RTF1: variants seen among roughly 807,000 people sequenced by gnomAD.
RTF1 encodes RTF1 homolog, Paf1/RNA polymerase II complex component.
Under a neutral mutation model 95.7 loss-of-function variants are expected in RTF1, and 10 were observed. The observed-to-expected ratio is 0.10, with a 90% CI of 0.06 to 0.18. RTF1 has a LOEUF of 0.18. RTF1 is among the 10% of genes least tolerant of loss of function. The probability of loss-of-function intolerance (pLI) is 1.00; values close to 1 mark genes in which losing one functional copy is unlikely to be tolerated. For synonymous variants in RTF1, 305 were observed against 311.8 expected, an observed-to-expected ratio of 0.98 and a Z score of 0.23; for missense variants, 458 against 875.6, an observed-to-expected ratio of 0.52 and a Z score of 6.02.
intron 14 of RTF1, 25 bp downstream of exon 14, chr15:41,477,540 T>C (rs1358020506): frequency 1.3e-5 from 20 of 1,591,432 alleles, no homozygotes; most frequent in Non-Finnish European, 7.8e-6. Flanking sequence ...TCTGAATCAC[T>C]AAAACAAAGT....
intron 3 of RTF1, among the ~76,000 whole-genome samples, chr15:41,455,087 A>G (rs1423716602): frequency 5.3e-5 from 8 of 152,054 alleles, no homozygotes; most frequent in Admixed American, 1.3e-4. Flanking sequence ...AGGCCAAGGC[A>G]GGCGGATCAC....
At chr15:41,475,895 C>T (rs2050939620) in intron 11 of RTF1, 76 bp downstream of exon 11, 1 of 720,052 alleles carries the variant, frequency 1.4e-6, no homozygotes, top group Non-Finnish European at 2.3e-6. Flanking sequence ...TCTTTTATTT[C>T]CCTATATCTT....
intron 1 of RTF1, among the ~76,000 whole-genome samples, chr15:41,430,520 G>T (rs2050664131): frequency 6.6e-6 from 1 of 151,934 alleles, no homozygotes; most frequent in South Asian, 2.1e-4. Context: ...CAGGTAGATT[G>T]CCTGAGCTCA....
At chr15:41,422,922 C>T (rs1434609564) in intron 1 of RTF1, among the ~76,000 whole-genome samples, 3 of 152,266 alleles carry the variant, frequency 2.0e-5, no homozygotes, top group Middle Eastern at 3.4e-3. Context: ...TACAGGCGCA[C>T]GCCACCACGT....
Position 41,477,454 on chromosome 15 carries a change from A to G in RTF1, c.1683-4A>G. 1 of 1,614,144 alleles carries G rather than the reference A, an allele frequency of 6.2e-7. No homozygotes were observed. Among genetic ancestry groups the G allele is most frequent in the Non-Finnish European group, 8.5e-7 (1 of 1,180,000 alleles). On this transcript the variant is annotated splice_region_variant and splice_polypyrimidine_tract_variant and intron_variant, in intron 13 of 17. Coordinates refer to ENST00000389629, the MANE Select transcript of RTF1 (RefSeq NM_015138.5). Reference sequence around the variant, plus strand: ...GCCACTGACTCATCCCTCTTACCCCACAGTTACATCAACCAGCGGAACCGG... The same window carrying G: ...GCCACTGACTCATCCCTCTTACCCCGCAGTTACATCAACCAGCGGAACCGG...
chr15:41,477,049 C>G, intron 12 of RTF1, 116 bp from the exon 13 acceptor site: 3 of 1,296,234 alleles, frequency 2.3e-6, no homozygotes, highest in Non-Finnish European at 3.3e-6. Context: ...TTCCACATCT[C>G]CTGTCCTTTG....
intron 1 of RTF1, among the ~76,000 whole-genome samples, chr15:41,427,145 AT>A (rs1225127893): frequency 0.12 from 9,435 of 78,132 alleles, 687 homozygotes; most frequent in East Asian, 0.45. Context: ...TGGTCTACAA[AT>A]TTTTTTTTTT....
At chr15:41,418,283 G>C (rs921391548) in intron 1 of RTF1, among the ~76,000 whole-genome samples, 1 of 152,200 alleles carries the variant, frequency 6.6e-6, no homozygotes, top group Non-Finnish European at 1.5e-5. Context: ...AGTAGAAAGA[G>C]TATTGAACTT....
chr15:41,456,529 G>A (rs1189126646), intron 3 of RTF1, among the ~76,000 whole-genome samples: 1 of 151,256 alleles, frequency 6.6e-6, no homozygotes, highest in Non-Finnish European at 1.5e-5. Flanking sequence ...AGGCGCAGTG[G>A]CTCACGCCTG....
intron 1 of RTF1, among the ~76,000 whole-genome samples, chr15:41,420,610 G>A (rs1242149217): frequency 6.6e-6 from 1 of 152,092 alleles, no homozygotes; most frequent in African/African-American, 2.4e-5. Flanking sequence ...GGATTGGAAT[G>A]CAGTTCGTAA....
chr15:41,440,490 CTT>C (rs1271679997), intron 2 of RTF1, among the ~76,000 whole-genome samples: 15 of 117,896 alleles, frequency 1.3e-4, no homozygotes, highest in African/African-American at 1.9e-4. Flanking sequence ...CGCCTGGCCT[CTT>C]TTTTTTTTTT....
chr15:41,428,301 T>C (rs1435939927), intron 1 of RTF1, among the ~76,000 whole-genome samples: 27 of 135,562 alleles, frequency 2.0e-4, no homozygotes, highest in Admixed American at 1.7e-3. Flanking sequence ...GGAGTCTCGC[T>C]TTGTTGCCCA....
chr15:41,474,787 C>T, intron 9 of RTF1, 85 bp downstream of exon 9: 1 of 970,180 alleles, frequency 1.0e-6, no homozygotes, highest in Non-Finnish European at 1.7e-6. Context: ...GTGTGATGTT[C>T]CTTGTTACCA....
At position 41,470,244 on chromosome 15, in the gene RTF1, T is replaced by A; in HGVS notation, c.890-13T>A. ...TGAGAAAACCTAGGTAAACATCTCT[T>A]CTTTCTTTCTAGCTGAGCTCCTTGC... On this transcript the variant is annotated splice_polypyrimidine_tract_variant and intron_variant, in intron 6 of 17. Coordinates refer to ENST00000389629, the MANE Select transcript of RTF1 (RefSeq NM_015138.5). The A allele has an allele frequency of 6.2e-7, 1 of 1,607,716 alleles. No homozygotes were observed. The highest frequency in any genetic ancestry group is 8.5e-7 in the Non-Finnish European group (1 of 1,176,638).
chr15:41,468,429 T>C lies in RTF1; in HGVS notation c.890-1828T>C, dbSNP rs767949763. On this transcript the variant is annotated intron_variant, in intron 6 of 17. Coordinates refer to ENST00000389629, the MANE Select transcript of RTF1 (RefSeq NM_015138.5). ...GCCTCCTGGGTTCACACCATTCTCCTGCCTCAGCCTCCTGAGTAGCTGGGA... is the reference window on the plus strand; with the variant it reads ...GCCTCCTGGGTTCACACCATTCTCCCGCCTCAGCCTCCTGAGTAGCTGGGA... Among the ~76,000 whole-genome samples the C allele has an allele frequency of 1.2e-3, 179 of 151,998 alleles. 1 individual carries two copies. Among genetic ancestry groups the C allele is most frequent in the Non-Finnish European group, 1.6e-3 (110 of 67,946 alleles).
chr15:41,481,582 C>G lies in RTF1; in HGVS notation c.*895C>G, dbSNP rs568882358. The stretch of plus-strand genomic sequence containing the variant: ...GTCCTGGCAGGTGTGGGAGGGAAGC[C>G]CATGGCCAGGTACCAGGGAGGGCAG... On this transcript the variant is annotated 3_prime_UTR_variant, in exon 18 of 18. Transcript: ENST00000389629. The G allele has an allele frequency of 6.6e-6, 1 of 152,650 alleles. No individual in the cohort carries two copies. The highest frequency in any genetic ancestry group is 2.1e-4 in the South Asian group (1 of 4,818). 9.5% of individuals were successfully genotyped at this position (152,650 alleles called of 1,614,324 possible). A position where few individuals can be genotyped will look rare whatever the true frequency, so the allele number is the denominator to read the frequency against.
chr15:41,462,580 C>T (rs968028717), intron 4 of RTF1, among the ~76,000 whole-genome samples: 3 of 152,066 alleles, frequency 2.0e-5, no homozygotes, highest in Non-Finnish European at 4.4e-5. Context: ...TAAAATAACC[C>T]ACTTAAAGTG....
At chr15:41,446,747 C>G (rs1016583759) in intron 2 of RTF1, among the ~76,000 whole-genome samples, 1 of 151,714 alleles carries the variant, frequency 6.6e-6, no homozygotes, top group African/African-American at 2.4e-5. Context: ...GGCTTGGGCT[C>G]TATCCCATTT....
chr15:41,472,828 A>G (rs918467372), intron 8 of RTF1, among the ~76,000 whole-genome samples: 5 of 151,142 alleles, frequency 3.3e-5, no homozygotes, highest in African/African-American at 7.3e-5. Context: ...CAGCCTCCCC[A>G]GTAGCTGGGA....
Sources: gnomAD v4.1 joint callset for allele counts (sites outside exome capture counted in the v4.1 genomes callset) on GRCh38, gnomAD v4.1.1 for gene constraint, MANE v1.5 for transcripts, NCBI Gene and HGNC (gene_info 2026-07-23, HGNC 2026-07-21) for gene names.